The following CDK14 variants were observed in gnomAD, a reference collection of about 807,000 sequenced individuals.
The protein encoded by CDK14 is cyclin dependent kinase 14, also known as cyclin-dependent kinase 14.
A neutral mutation model predicts 60.7 loss-of-function variants in CDK14; 34 were observed. The ratio of observed to expected loss-of-function variants is 0.56; its 90% CI spans 0.43 to 0.75. The LOEUF (loss-of-function observed/expected upper bound fraction) is 0.75, where lower values mean the gene tolerates loss of function less well. Among genes scored for constraint, CDK14 ranks in the 30% least tolerant of loss-of-function variants. CDK14 has a pLI of 0.00. For missense variants in CDK14, 482 were observed against 564.1 expected (o/e 0.85, Z 1.47); for synonymous variants, 197 against 203.7 (o/e 0.97, Z 0.28).
At chr7:90,644,427 T>G (rs4728912) in intron 2 of CDK14, among the ~76,000 whole-genome samples, 2 of 152,152 alleles carry the variant, frequency 1.3e-5, no homozygotes, top group South Asian at 4.1e-4. Flanking sequence ...AGTAACTTCC[T>G]TCAGGTCTCA....
At chr7:91,054,088 A>ATTTTTTTTT (rs10675646) in intron 11 of CDK14, among the ~76,000 whole-genome samples, 3 of 112,968 alleles carry the variant, frequency 2.7e-5, no homozygotes, top group East Asian at 2.5e-4. Flanking sequence ...CTGCAAAATA[A>ATTTTTTTTT]TTTTTTTTTT....
At chr7:90,709,602 A>G (rs1354114678) in intron 2 of CDK14, 1 of 1,612,434 alleles carries the variant, frequency 6.2e-7, no homozygotes, top group African/African-American at 1.3e-5. Flanking sequence ...CTTCGTGGGA[A>G]CTCCACAGGC....
At chr7:90,627,393 G>A (rs987976222) in intron 2 of CDK14, among the ~76,000 whole-genome samples, 5 of 152,050 alleles carry the variant, frequency 3.3e-5, no homozygotes, top group Admixed American at 6.5e-5. Flanking sequence ...AAAATTTTTT[G>A]TAGAGACAGA....
intron 14 of CDK14, among the ~76,000 whole-genome samples, chr7:91,130,197 C>T (rs1306527199): frequency 6.6e-6 from 1 of 152,112 alleles, no homozygotes; most frequent in Non-Finnish European, 1.5e-5. Flanking sequence ...AATGTAGAAA[C>T]ATATTTGTGA....
chr7:91,154,352 C>G (rs1254286022), intron 14 of CDK14, among the ~76,000 whole-genome samples: 1 of 151,730 alleles, frequency 6.6e-6, no homozygotes, highest in Non-Finnish European at 1.5e-5. Context: ...AAGTTGTTTC[C>G]AAGTCCTAAC....
At chr7:90,725,958 T>C (rs1202477882) in intron 2 of CDK14, among the ~76,000 whole-genome samples, 1 of 152,138 alleles carries the variant, frequency 6.6e-6, no homozygotes, top group Non-Finnish European at 1.5e-5. Context: ...GTTATTTCTT[T>C]TTATCCATTA....
intron 12 of CDK14, among the ~76,000 whole-genome samples, chr7:91,108,192 C>G (rs1799364410): frequency 6.6e-6 from 1 of 152,180 alleles, no homozygotes; most frequent in Non-Finnish European, 1.5e-5. Context: ...CCTGTACTCT[C>G]AGCCACTCTC....
chr7:90,963,711 CTTTTTTTTTTTTT>C (rs34156393), intron 9 of CDK14, among the ~76,000 whole-genome samples: 1 of 123,098 alleles, frequency 8.1e-6, no homozygotes, highest in South Asian at 2.6e-4. Flanking sequence ...TTTTTCTTTT[CTTTTTTTTTTTTT>C]TTTTTTTTTG....
chr7:90,883,619 G>A (rs1347372636), intron 6 of CDK14, among the ~76,000 whole-genome samples: 1 of 152,064 alleles, frequency 6.6e-6, no homozygotes, highest in Non-Finnish European at 1.5e-5. Flanking sequence ...AACAAAACTG[G>A]GAAGATAAAC....
At chr7:90,646,675 C>G (rs1298753182) in intron 2 of CDK14, among the ~76,000 whole-genome samples, 1 of 152,052 alleles carries the variant, frequency 6.6e-6, no homozygotes, top group Non-Finnish European at 1.5e-5. Context: ...ACTAGTGGAG[C>G]TTTTCTTCTT....
chr7:90,830,295 C>A (rs1789873502), intron 5 of CDK14, among the ~76,000 whole-genome samples: 1 of 152,216 alleles, frequency 6.6e-6, no homozygotes, highest in Non-Finnish European at 1.5e-5. Context: ...CCCAACACCA[C>A]ATGGAAGCCT....
intron 4 of CDK14, among the ~76,000 whole-genome samples, chr7:90,782,336 T>G (rs1404207027): frequency 6.6e-6 from 1 of 152,150 alleles, no homozygotes; most frequent in Non-Finnish European, 1.5e-5. Context: ...TGGGGTTTTC[T>G]AGATATACAA....
At chr7:91,190,183 CATT>C (rs924120373) in intron 14 of CDK14, among the ~76,000 whole-genome samples, 1 of 152,212 alleles carries the variant, frequency 6.6e-6, no homozygotes, top group African/African-American at 2.4e-5. Context: ...GGGTTCTGCT[CATT>C]GTTCACTCAG....
intron 10 of CDK14, among the ~76,000 whole-genome samples, chr7:91,025,911 A>G (rs151307648): frequency 1.1e-3 from 166 of 152,344 alleles, no homozygotes; most frequent in Admixed American, 1.8e-3. Flanking sequence ...CTCACTGTCA[A>G]TGTCTTTTCC....
chr7:91,062,649 A>T (rs2116132024), intron 11 of CDK14, among the ~76,000 whole-genome samples: 1 of 152,326 alleles, frequency 6.6e-6, no homozygotes, highest in Admixed American at 6.5e-5. Context: ...TTTCCTGTGT[A>T]TCAAATGCTT....
At chr7:90,783,648 T>G (rs989795477) in intron 4 of CDK14, among the ~76,000 whole-genome samples, 4 of 152,110 alleles carry the variant, frequency 2.6e-5, no homozygotes, top group African/African-American at 9.7e-5. Context: ...AAAGAAGAGA[T>G]ATGCATGTTC....
intron 14 of CDK14, among the ~76,000 whole-genome samples, chr7:91,156,928 G>A (rs1470167009): frequency 6.6e-6 from 1 of 152,094 alleles, no homozygotes; most frequent in Non-Finnish European, 1.5e-5. Flanking sequence ...TCACTTGGAT[G>A]ATACAACTAT....
intron 4 of CDK14, among the ~76,000 whole-genome samples, chr7:90,758,633 AAAAG>A (rs1445339757): frequency 6.6e-6 from 1 of 152,208 alleles, no homozygotes; most frequent in Non-Finnish European, 1.5e-5. Flanking sequence ...CTGTCGGTGA[AAAAG>A]AGGTGACTCA....
At chr7:90,933,078 G>T (rs1436044546) in intron 8 of CDK14, among the ~76,000 whole-genome samples, 1 of 152,112 alleles carries the variant, frequency 6.6e-6, no homozygotes, top group Non-Finnish European at 1.5e-5. Context: ...GATGGCTCAT[G>T]TCTGTAATCC....
Sources: allele counts gnomAD v4.1 joint callset (sites outside exome capture counted in the v4.1 genomes callset), GRCh38; gene constraint gnomAD v4.1.1; transcripts MANE v1.5; gene names NCBI Gene and HGNC (gene_info 2026-07-23, HGNC 2026-07-21).